ELAVL2: variants seen among roughly 807,000 people sequenced by gnomAD.
ELAVL2 encodes the protein ELAV-like protein 2.
In ELAVL2, 4 loss-of-function variants were observed where a neutral mutation model predicts 34.6. The ratio of observed to expected loss-of-function variants is 0.12; its 90% CI spans 0.06 to 0.26. ELAVL2 has a LOEUF of 0.26. Among genes scored for constraint, ELAVL2 ranks in the 10% least tolerant of loss-of-function variants. ELAVL2 has a pLI of 1.00. For missense variants in ELAVL2, 432 were observed against 442.8 expected (o/e 0.98, Z 0.22); for synonymous variants, 193 against 154.8 (o/e 1.25, Z -1.83).
At chr9:23,765,641 G>A (rs1380135900) in intron 1 of ELAVL2, among the ~76,000 whole-genome samples, 1 of 152,082 alleles carries the variant, frequency 6.6e-6, no homozygotes, top group Non-Finnish European at 1.5e-5. Flanking sequence ...AAAGTGAATC[G>A]AAACCCTGTG....
chr9:23,750,597 C>CA (rs1278574864), intron 2 of ELAVL2, among the ~76,000 whole-genome samples: 1 of 151,634 alleles, frequency 6.6e-6, no homozygotes, highest in Non-Finnish European at 1.5e-5. Context: ...CTCAGGTTCA[C>CA]AAAAGAAAAA....
chr9:23,816,832 G>A (rs1236502000), intron 1 of ELAVL2, among the ~76,000 whole-genome samples: 1 of 152,138 alleles, frequency 6.6e-6, no homozygotes, highest in Non-Finnish European at 1.5e-5. Context: ...AATGTTCTGA[G>A]CATGTTTAAG....
the ELAVL2 span, among the ~76,000 whole-genome samples, chr9:23,845,762 A>G: frequency 6.6e-6 from 1 of 151,954 alleles, no homozygotes; most frequent in Non-Finnish European, 1.5e-5. Flanking sequence ...TAATTCAAAT[A>G]CTATTTTAAT....
At chr9:23,765,209 C>T in intron 1 of ELAVL2, 1 of 939,948 alleles carries the variant, frequency 1.1e-6, no homozygotes, top group Non-Finnish European at 1.6e-6. Context: ...CACGTCCATG[C>T]AGTGTGGCTT....
chr9:23,725,679 A>T (rs1017327465), intron 3 of ELAVL2, among the ~76,000 whole-genome samples: 1 of 152,114 alleles, frequency 6.6e-6, no homozygotes, highest in African/African-American at 2.4e-5. Flanking sequence ...TGAACTAGAA[A>T]CTCAAATCCC....
intron 1 of ELAVL2, among the ~76,000 whole-genome samples, chr9:23,811,886 C>A (rs1431480785): frequency 6.6e-6 from 1 of 151,908 alleles, no homozygotes; most frequent in Non-Finnish European, 1.5e-5. Context: ...GTTACTCATA[C>A]CATAAAAGAA....
At chr9:23,720,235 T>A (rs2043321136) in intron 3 of ELAVL2, among the ~76,000 whole-genome samples, 1 of 151,648 alleles carries the variant, frequency 6.6e-6, no homozygotes, top group African/African-American at 2.4e-5. Flanking sequence ...TGCAGTGGTG[T>A]AATCTCGGCT....
chr9:23,725,670 G>A (rs1313439198), intron 3 of ELAVL2, among the ~76,000 whole-genome samples: 1 of 152,118 alleles, frequency 6.6e-6, no homozygotes, highest in Non-Finnish European at 1.5e-5. Context: ...AAAGGAGGTT[G>A]AACTAGAAAC....
intron 2 of ELAVL2, among the ~76,000 whole-genome samples, chr9:23,749,118 G>A (rs537112904): frequency 6.6e-6 from 1 of 151,932 alleles, no homozygotes. Flanking sequence ...AACTTGAAAA[G>A]GTTCAAATGA....
chr9:23,792,297 A>G (rs77394001), intron 1 of ELAVL2, among the ~76,000 whole-genome samples: 6,114 of 152,306 alleles, frequency 0.04, 338 homozygotes, highest in Admixed American at 0.13. Flanking sequence ...CTTCAACTTA[A>G]CTTAAAGATG....
chr9:23,710,309 C>CTTTT (rs2040576397), intron 3 of ELAVL2, among the ~76,000 whole-genome samples: 1 of 152,062 alleles, frequency 6.6e-6, no homozygotes, highest in South Asian at 2.1e-4. Context: ...GAAACAAAAC[C>CTTTT]ATCTTATGAA....
At chr9:23,718,576 A>T (rs957379588) in intron 3 of ELAVL2, among the ~76,000 whole-genome samples, 1 of 152,206 alleles carries the variant, frequency 6.6e-6, no homozygotes, top group Admixed American at 6.5e-5. Context: ...GGCACGTATG[A>T]TAAAGGAGAA....
chr9:23,734,864 C>T (rs1182530979), intron 2 of ELAVL2, among the ~76,000 whole-genome samples: 1 of 151,776 alleles, frequency 6.6e-6, no homozygotes, highest in African/African-American at 2.4e-5. Context: ...CTCTTATATT[C>T]ATCAGTAAGT....
chr9:23,834,453 A>C, the ELAVL2 span, among the ~76,000 whole-genome samples: 1 of 151,904 alleles, frequency 6.6e-6, no homozygotes, highest in Non-Finnish European at 1.5e-5. Context: ...TGATTTTCTA[A>C]TCTATAAAAT....
At chr9:23,772,779 T>C (rs2057532213) in intron 1 of ELAVL2, among the ~76,000 whole-genome samples, 1 of 152,204 alleles carries the variant, frequency 6.6e-6, no homozygotes, top group Non-Finnish European at 1.5e-5. Context: ...AAATGTGTTT[T>C]TCTTTTCTGT....
intron 1 of ELAVL2, among the ~76,000 whole-genome samples, chr9:23,793,520 C>T (rs1285941068): frequency 1.3e-5 from 2 of 152,124 alleles, no homozygotes; most frequent in African/African-American, 4.8e-5. Flanking sequence ...TCACCTAAAT[C>T]CCAGCAACAA....
At chr9:23,830,471 C>T (rs1429322073), upstream of ELAVL2, among the ~76,000 whole-genome samples, 1 of 152,002 alleles carries the variant, frequency 6.6e-6, no homozygotes, top group Non-Finnish European at 1.5e-5. Context: ...CCCCCCGAAT[C>T]CTGAGGTTGC....
intron 3 of ELAVL2, among the ~76,000 whole-genome samples, chr9:23,708,342 A>C (rs2039976687): frequency 6.6e-6 from 1 of 152,242 alleles, no homozygotes; most frequent in Admixed American, 6.5e-5. Flanking sequence ...CCCATGAGGT[A>C]GGCAGCATAC....
chr9:23,757,701 A>C (rs1359040614), intron 2 of ELAVL2, among the ~76,000 whole-genome samples: 2 of 152,080 alleles, frequency 1.3e-5, no homozygotes, highest in Non-Finnish European at 2.9e-5. Context: ...TAGATAGGAA[A>C]CAGGCTGAAG....
Sources: allele counts gnomAD v4.1 joint callset (sites outside exome capture counted in the v4.1 genomes callset), GRCh38; gene constraint gnomAD v4.1.1; transcripts MANE v1.5; gene names NCBI Gene and HGNC (gene_info 2026-07-23, HGNC 2026-07-21).